PID1: variants seen among roughly 807,000 people sequenced by gnomAD.
PID1 encodes the protein PTB-containing, cubilin and LRP1-interacting protein.
In PID1, 10 loss-of-function variants were observed where a neutral mutation model predicts 19.1. The observed-to-expected ratio is 0.52, with a 90% CI of 0.32 to 0.89. The LOEUF is 0.89. Ranked by LOEUF, PID1 falls within the 40% of genes least tolerant of loss-of-function variation. The pLI is 0.03. For missense variants in PID1, 248 were observed against 285.3 expected (o/e 0.87, Z 0.94); for synonymous variants, 130 against 116.0 (o/e 1.12, Z -0.78).
chr2:229,054,744 A>C (rs1452042948), intron 2 of PID1, among the ~76,000 whole-genome samples: 2 of 104,392 alleles, frequency 1.9e-5, no homozygotes, highest in African/African-American at 3.9e-5. Context: ...GTCTGGTTTT[A>C]CTCAATTTGT....
intron 2 of PID1, among the ~76,000 whole-genome samples, chr2:229,150,229 CAA>C (rs11309150): frequency 0.1 from 12,436 of 122,960 alleles, 660 homozygotes; most frequent in East Asian, 0.31. Context: ...GAGTGAGACT[CAA>C]AAAAAAAAAA....
intron 1 of PID1, among the ~76,000 whole-genome samples, chr2:229,236,987 T>TACACACAAAC (rs1553583949): frequency 8.3e-5 from 9 of 107,894 alleles, no homozygotes; most frequent in African/African-American, 3.2e-4. Context: ...TACACACACA[T>TACACACAAAC]ACACACACAC....
At chr2:229,054,648 G>A (rs1163789059) in intron 2 of PID1, among the ~76,000 whole-genome samples, 1 of 140,864 alleles carries the variant, frequency 7.1e-6, no homozygotes, top group Non-Finnish European at 1.5e-5. Context: ...TGGTTATAAG[G>A]GAGTATTTTA....
intron 1 of PID1, among the ~76,000 whole-genome samples, chr2:229,232,647 T>TTG (rs34929127): frequency 1.6e-4 from 24 of 149,046 alleles, no homozygotes; most frequent in African/African-American, 4.2e-4. Flanking sequence ...TCACATCAAT[T>TTG]TGTGTGTGTG....
chr2:229,054,231 G>T (rs1308231880), intron 2 of PID1, among the ~76,000 whole-genome samples: 2 of 151,964 alleles, frequency 1.3e-5, no homozygotes, highest in African/African-American at 4.8e-5. Context: ...AAAAGACCAG[G>T]CTTAATAAGG....
Position 229,155,921 on chromosome 2 carries a change from A to G in PID1, c.74T>C (p.Leu25Pro). 1.2e-6 allele frequency: 2 copies of G among 1,613,996 alleles called. No homozygotes were observed. The highest frequency in any genetic ancestry group is 1.7e-6 in the Non-Finnish European group (2 of 1,179,986). ...GACCGCTGGGAGAGGTTCCTTTTTCAGTGTTAAGACATTCAATTTAGACTT... is the reference window on the plus strand; with the variant it reads ...GACCGCTGGGAGAGGTTCCTTTTTCGGTGTTAAGACATTCAATTTAGACTT... Reference protein sequence around the residue: ...MLKSKLNVLTLKKEPLPAVIF... With the variant: ...MLKSKLNVLTPKKEPLPAVIF... The change falls in exon 2 of 3, where the codon CTG becomes CCG. Residue 25 changes from leucine (L) to proline (P), a missense_variant. Leu to Pro is a moderately conservative substitution (Grantham distance 98, BLOSUM62 -3). Transcript: ENST00000392055.
intron 2 of PID1, among the ~76,000 whole-genome samples, chr2:229,050,566 G>C (rs1693974003): frequency 6.6e-6 from 1 of 152,202 alleles, no homozygotes; most frequent in African/African-American, 2.4e-5. Flanking sequence ...CATGGTAGCT[G>C]CCAAATAATG....
intron 1 of PID1, among the ~76,000 whole-genome samples, chr2:229,163,676 CGTGTGCGTGTGTGTGT>C (rs1690538678): frequency 3.2e-5 from 3 of 93,968 alleles, no homozygotes; most frequent in Non-Finnish European, 8.2e-5. Context: ...TGTGTGTGTG[CGTGTGCGTGTGTGTGT>C]GTGTATACTC....
intron 2 of PID1, among the ~76,000 whole-genome samples, chr2:229,029,273 GAA>G (rs56408016): frequency 1.5e-5 from 2 of 136,518 alleles, no homozygotes; most frequent in African/African-American, 2.7e-5. Context: ...AATCCCTGGG[GAA>G]AAAAAAAATG....
intron 1 of PID1, among the ~76,000 whole-genome samples, chr2:229,258,726 G>C (rs12478411): frequency 0.38 from 56,950 of 151,818 alleles, 11,279 homozygotes; most frequent in African/African-American, 0.49. Flanking sequence ...GGCCTACGTA[G>C]TGGCGGGCGC....
intron 1 of PID1, among the ~76,000 whole-genome samples, chr2:229,210,978 G>A (rs1014388847): frequency 1.3e-5 from 2 of 152,204 alleles, no homozygotes; most frequent in African/African-American, 4.8e-5. Flanking sequence ...CAGACAGTCA[G>A]TGCTAAAAAC....
At chr2:229,038,236 C>T (rs1693702402) in intron 2 of PID1, among the ~76,000 whole-genome samples, 1 of 152,172 alleles carries the variant, frequency 6.6e-6, no homozygotes, top group African/African-American at 2.4e-5. Flanking sequence ...AAAACCTTTA[C>T]ATGAATGTTC....
intron 1 of PID1, among the ~76,000 whole-genome samples, chr2:229,251,602 C>T (rs998349880): frequency 6.6e-6 from 1 of 152,042 alleles, no homozygotes; most frequent in Non-Finnish European, 1.5e-5. Flanking sequence ...CATAAAAATT[C>T]CCCTGAGTGT....
At chr2:229,203,587 A>G (rs1691545142) in intron 1 of PID1, among the ~76,000 whole-genome samples, 2 of 152,250 alleles carry the variant, frequency 1.3e-5, no homozygotes, top group Admixed American at 1.3e-4. Flanking sequence ...TACCTTCTCT[A>G]CCAGCAACAA....
chr2:229,221,992 T>G (rs1297450605), intron 1 of PID1, among the ~76,000 whole-genome samples: 1 of 152,220 alleles, frequency 6.6e-6, no homozygotes, highest in African/African-American at 2.4e-5. Context: ...AGGTTCTCAC[T>G]TCCTGCCTAG....
chr2:229,054,729 G>T (rs981687070), intron 2 of PID1, among the ~76,000 whole-genome samples: 9 of 113,500 alleles, frequency 7.9e-5, no homozygotes, highest in Admixed American at 1.9e-4. Context: ...TGGGGGGGGG[G>T]GGGGGTCTGG....
rs538512648 is a variant in PID1, at chr2:229,097,238, G to A, written c.177+58580C>T. ...AAGTCACACTTGTTGGGAGAGCATC[G>A]TAAAAGTAACAACCCCCTCGCCCCG... On this transcript the variant is annotated intron_variant, in intron 2 of 2. Coordinates refer to ENST00000392055, the MANE Select transcript of PID1 (RefSeq NM_001100818.2). Among the ~76,000 whole-genome samples the A allele has an allele frequency of 9.9e-5, 15 of 152,256 alleles. No individual in the cohort carries two copies. The South Asian group carries it at 1.0e-3, about 11-fold the overall frequency.
intron 2 of PID1, among the ~76,000 whole-genome samples, chr2:229,130,780 T>C (rs1689722363): frequency 6.6e-6 from 1 of 152,192 alleles, no homozygotes; most frequent in South Asian, 2.1e-4. Flanking sequence ...CAATGTCTGA[T>C]GGGTTATTTC....
chr2:229,072,196 T>C (rs922704104), intron 2 of PID1, among the ~76,000 whole-genome samples: 14 of 152,190 alleles, frequency 9.2e-5, no homozygotes, highest in African/African-American at 3.4e-4. Context: ...TAATAAATAA[T>C]AATCAACTAA....
Sources: gnomAD v4.1 joint callset for allele counts (sites outside exome capture counted in the v4.1 genomes callset) on GRCh38, gnomAD v4.1.1 for gene constraint, MANE v1.5 for transcripts, NCBI Gene and HGNC (gene_info 2026-07-23, HGNC 2026-07-21) for gene names.